ERMP1: variants seen among roughly 807,000 people sequenced by gnomAD.
ERMP1 encodes the protein Felix-ina.
ERMP1 carries 86 observed loss-of-function variants against 92.0 expected under a neutral mutation model. That is an observed-to-expected ratio of 0.93 (90% CI 0.79 to 1.12). The LOEUF (loss-of-function observed/expected upper bound fraction) is 1.12, where lower values mean the gene tolerates loss of function less well. ERMP1 is among the 50% of genes most tolerant of loss of function. ERMP1 has a pLI of 0.00. For missense variants in ERMP1, 1,342 were observed against 1,116.3 expected (o/e 1.20, Z -2.88); for synonymous variants, 530 against 412.8 (o/e 1.28, Z -3.44).
upstream of ERMP1, among the ~76,000 whole-genome samples, chr9:5,835,368 G>A (rs1237052325): frequency 4.2e-5 from 6 of 143,906 alleles, no homozygotes; most frequent in Admixed American, 1.4e-4. Flanking sequence ...GCGCATGTGT[G>A]TGTGTGTATA....
At chr9:5,842,196 G>T (rs1485623112) in intron 6 of ERMP1, among the ~76,000 whole-genome samples, 5 of 152,102 alleles carry the variant, frequency 3.3e-5, no homozygotes, top group African/African-American at 1.2e-4. Context: ...TCCCTTACTT[G>T]GCCCCGCCCA....
intron 1 of ERMP1, 105 bp downstream of exon 1, chr9:5,832,585 C>A (rs1829990816): frequency 1.1e-6 from 1 of 933,314 alleles, no homozygotes; most frequent in Non-Finnish European, 1.5e-6. Flanking sequence ...GTCAGCGAGT[C>A]CCAGCGGTCC....
chr9:5,864,813 C>T (rs1171647570), intron 5 of ERMP1, among the ~76,000 whole-genome samples: 1 of 152,172 alleles, frequency 6.6e-6, no homozygotes, highest in African/African-American at 2.4e-5. Context: ...GAGTTCTTTG[C>T]AACTATTGGT....
chr9:5,863,042 T>A (rs1189173253), intron 5 of ERMP1, among the ~76,000 whole-genome samples: 3 of 152,160 alleles, frequency 2.0e-5, no homozygotes, highest in African/African-American at 7.2e-5. Context: ...TTGCTTTGAG[T>A]TTGGAAACCC....
rs377629831 is a variant in ERMP1 at position 5,830,907 on chromosome 9, G to C, written c.460C>G (p.Leu154Val). Residue 154 changes from leucine to valine, a missense_variant, in exon 2 of 15, where the codon CTT becomes GTT. Physicochemically the swap from Leu to Val is conservative, Grantham distance 32 (BLOSUM62 1). Transcript: ENST00000339450. ...IKLIEVQSNS[L>V]HKISVDVQRP... is the part of the protein sequence containing the mutation. ...TGTACATCTACTGAAATCTTATGAA[G>C]GCTGTTGCTTTGCACTTCAATCAGT... 4.3e-6 allele frequency: 7 copies of C among 1,613,994 alleles called. No homozygotes were observed. The African/African-American group carries it at 8.0e-5, about 18-fold the overall frequency.
upstream of ERMP1, among the ~76,000 whole-genome samples, chr9:5,834,052 A>G (rs1354106856): frequency 6.6e-6 from 1 of 152,190 alleles, no homozygotes; most frequent in African/African-American, 2.4e-5. Flanking sequence ...GACTTAGCAC[A>G]TATGTCAGAT....
chr9:5,827,926 C>T (rs909579852), intron 2 of ERMP1, among the ~76,000 whole-genome samples: 2 of 151,094 alleles, frequency 1.3e-5, no homozygotes, highest in African/African-American at 4.9e-5. Flanking sequence ...TGCAGTGAGC[C>T]GAGATCGCGC....
intron 12 of ERMP1, 105 bp downstream of exon 12, chr9:5,798,701 A>C (rs1828546888): frequency 2.9e-6 from 2 of 701,522 alleles, no homozygotes; most frequent in Non-Finnish European, 4.8e-6. Context: ...TACAAACACC[A>C]CTGAACTTGT....
At position 5,787,640 on chromosome 9, in the gene ERMP1, C is replaced by A. The variant is rs1302150700; in HGVS notation, c.2387-47G>T. ...GAACAGTTAATCTTTTTAAAAGGAT[C>A]AAAAAAATAACCCACAATCCAAACC... On this transcript the variant is annotated intron_variant, in intron 13 of 14. Transcript: ENST00000339450. 6 of 1,561,142 alleles carry A rather than the reference C, an allele frequency of 3.8e-6. No homozygotes were observed. In the South Asian group the frequency reaches 4.8e-5, roughly 12 times the overall value.
upstream of ERMP1, among the ~76,000 whole-genome samples, chr9:5,835,018 TGTGTGTGA>T (rs1389194231): frequency 6.8e-6 from 1 of 146,936 alleles, no homozygotes; most frequent in Non-Finnish European, 1.5e-5. Context: ...TGTGTGTGTG[TGTGTGTGA>T]AAGATCCTCA....
chr9:5,822,723 G>A (rs772032086), intron 4 of ERMP1, among the ~76,000 whole-genome samples: 1 of 152,156 alleles, frequency 6.6e-6, no homozygotes, highest in Non-Finnish European at 1.5e-5. Context: ...CAGGGAAATG[G>A]AATGGAACTT....
chr9:5,848,380 T>C (rs1436610381), intron 6 of ERMP1, among the ~76,000 whole-genome samples: 1 of 152,162 alleles, frequency 6.6e-6, no homozygotes, highest in East Asian at 1.9e-4. Context: ...GATCTGCGCC[T>C]AGAACCCTCA....
At chr9:5,845,589 C>T (rs967797354) in intron 6 of ERMP1, among the ~76,000 whole-genome samples, 1 of 152,114 alleles carries the variant, frequency 6.6e-6, no homozygotes, top group African/African-American at 2.4e-5. Flanking sequence ...AACTGCACTC[C>T]ACCTCATCAC....
Position 5,813,004 on chromosome 9 carries a change from A to G in ERMP1, c.906T>C (p.Tyr302=), listed in dbSNP as rs1038400295. The G allele has an allele frequency of 1.9e-6, 3 of 1,614,096 alleles. No individual in the cohort carries two copies. Among genetic ancestry groups the G allele is most frequent in the Non-Finnish European group, 2.5e-6 (3 of 1,179,946 alleles). ...CAAAAGGGTGTTTAGCTGCTGAAACATAAGCTTGAACCAACCAAGGATTTT... is the reference window on the plus strand; with the variant it reads ...CAAAAGGGTGTTTAGCTGCTGAAACGTAAGCTTGAACCAACCAAGGATTTT... The part of the protein sequence containing the change: ...GPENPWLVQA[Y]VSAAKHPFAS... The change falls in exon 5 of 15, where the codon TAT becomes TAC. Residue 302 remains tyrosine (Y), a synonymous_variant. Transcript: ENST00000339450.
At chr9:5,800,075 A>G (rs1563751631) in intron 11 of ERMP1, among the ~76,000 whole-genome samples, 1 of 152,158 alleles carries the variant, frequency 6.6e-6, no homozygotes, top group African/African-American at 2.4e-5. Flanking sequence ...CTGTTTGGCT[A>G]GATTAGGTTA....
At chr9:5,829,033 C>A (rs534017051) in intron 2 of ERMP1, among the ~76,000 whole-genome samples, 11 of 152,006 alleles carry the variant, frequency 7.2e-5, no homozygotes, top group African/African-American at 2.7e-4. Context: ...CACTTGAGGT[C>A]AGGAGTTCAA....
chr9:5,791,342 C>T (rs557828593), intron 13 of ERMP1: 14 of 455,354 alleles, frequency 3.1e-5, no homozygotes, highest in African/African-American at 1.2e-4. Context: ...TTCCCCATTC[C>T]CTCTCCTTGG....
chr9:5,832,462 C>T (rs1239938348), intron 1 of ERMP1: 1 of 462,666 alleles, frequency 2.2e-6, no homozygotes, highest in African/African-American at 2.1e-5. Context: ...ACCTGGCAAC[C>T]CCAATCTGCA....
Position 5,810,147 on chromosome 9 carries a change from A to G in ERMP1, c.1412T>C (p.Ile471Thr). Reference sequence around the variant, plus strand: ...TCCAATAAGAGAGATGAACACTGCTATAATGAGAACGGTAACAAGGCTAGT... The same window carrying G: ...TCCAATAAGAGAGATGAACACTGCTGTAATGAGAACGGTAACAAGGCTAGT... The part of the protein sequence containing the change: ...WFTSLVTVLI[I>T]AVFISLIGQS... The change falls in exon 8 of 15, where the codon ATA becomes ACA. Residue 471 changes from isoleucine (I) to threonine (T), a missense_variant. Transcript: ENST00000339450. The G allele has an allele frequency of 6.2e-7, 1 of 1,614,082 alleles. No homozygotes were observed. Among genetic ancestry groups the G allele is most frequent in the Non-Finnish European group, 8.5e-7 (1 of 1,179,932 alleles).
Sources: gnomAD v4.1 joint callset for allele counts (sites outside exome capture counted in the v4.1 genomes callset) on GRCh38, gnomAD v4.1.1 for gene constraint, MANE v1.5 for transcripts, NCBI Gene and HGNC (gene_info 2026-07-23, HGNC 2026-07-21) for gene names.